ATR: variants seen among roughly 807,000 people sequenced by gnomAD.
The protein encoded by ATR is ATR checkpoint kinase.
In ATR, 142 loss-of-function variants were observed where a neutral mutation model predicts 305.3. The ratio of observed to expected loss-of-function variants is 0.47; its 90% CI spans 0.41 to 0.53. The LOEUF is 0.53. ATR is among the 20% of genes least tolerant of loss of function. The probability of loss-of-function intolerance (pLI) is 0.00; values close to 1 mark genes in which losing one functional copy is unlikely to be tolerated. For synonymous variants in ATR, 1,050 were observed against 1,068.1 expected (o/e 0.98, Z 0.33); for missense variants, 2,135 against 3,133.1 (o/e 0.68, Z 7.60).
intron 2 of ATR, among the ~76,000 whole-genome samples, chr3:142,567,668 G>C (rs2035119966): frequency 6.6e-6 from 1 of 152,146 alleles, no homozygotes; most frequent in South Asian, 2.1e-4. Context: ...TATAGGCACA[G>C]GCATGAACCT....
At chr3:142,501,045 C>T (rs1404303773) in intron 30 of ATR, among the ~76,000 whole-genome samples, 1 of 152,158 alleles carries the variant, frequency 6.6e-6, no homozygotes, top group Non-Finnish European at 1.5e-5. Flanking sequence ...AGGGCAGGCA[C>T]AGTCAATATT....
At chr3:142,544,436 A>G (rs930601917) in intron 16 of ATR, among the ~76,000 whole-genome samples, 7 of 127,954 alleles carry the variant, frequency 5.5e-5, no homozygotes, top group African/African-American at 1.8e-4. Flanking sequence ...TGGGTGACAG[A>G]GCAAAATCCT....
chr3:142,571,232 C>T (rs1178276746), intron 1 of ATR, among the ~76,000 whole-genome samples: 1 of 152,116 alleles, frequency 6.6e-6, no homozygotes, highest in East Asian at 1.9e-4. Context: ...TTTTGGGAGG[C>T]TAAGGCAGGC....
At chr3:142,517,004 T>TATATATATATATATATAC (rs1471452349) in intron 24 of ATR, among the ~76,000 whole-genome samples, 1 of 148,534 alleles carries the variant, frequency 6.7e-6, no homozygotes, top group African/African-American at 2.5e-5. Context: ...TATATATATA[T>TATATATATATATATATAC]ATACATATTT....
chr3:142,523,071 T>A (rs971866995), intron 22 of ATR, among the ~76,000 whole-genome samples: 2 of 152,158 alleles, frequency 1.3e-5, no homozygotes, highest in African/African-American at 2.4e-5. Context: ...GTACAAAAAA[T>A]TATTCAACTT....
intron 27 of ATR, among the ~76,000 whole-genome samples, chr3:142,509,768 AAAG>A (rs1559950319): frequency 6.6e-6 from 1 of 151,638 alleles, no homozygotes; most frequent in Admixed American, 6.6e-5. Flanking sequence ...CAAAAATGTT[AAAG>A]AAATGTTAAA....
In ATR at chr3:142,481,830, A is replaced by T. The variant is rs187009665; in HGVS notation, c.6221+3310T>A. On this transcript the variant is annotated intron_variant, in intron 36 of 46. Coordinates refer to ENST00000350721, the MANE Select transcript of ATR (RefSeq NM_001184.4). ...TACATTTATTTTGATTTATTTATTT[A>T]TTTTTTTTTTGAGATAGAGTCTTTC... 6.4e-3 allele frequency among the ~76,000 whole-genome samples: 951 copies of T among 147,900 alleles called. 7 individuals are homozygous for T. Among genetic ancestry groups the T allele is most frequent in the African/African-American group, 0.021 (844 of 40,296 alleles).
At chr3:142,555,841 A>G (rs1319954666) in intron 10 of ATR, 36 bp downstream of exon 10, 2 of 1,575,186 alleles carry the variant, frequency 1.3e-6, no homozygotes, top group Non-Finnish European at 1.7e-6. Flanking sequence ...GAGCTTAAAT[A>G]GGTTTTAAAG....
rs184905113 is a variant in ATR at position 142,548,007 on chromosome 3, T to C, written c.3172-97A>G. On this transcript the variant is annotated intron_variant, in intron 15 of 46. Transcript: ENST00000350721. ...AACATGCTATTAGTACATCAGGAGC[T>C]CTAGCCCAGATGACAGGATTTATTA... 9 of 1,051,596 alleles carry C rather than the reference T, an allele frequency of 8.6e-6. No individual in the cohort carries two copies. In the African/African-American group the frequency reaches 9.5e-5, roughly 11 times the overall value. 65.1% of individuals were successfully genotyped at this position (1,051,596 alleles called of 1,614,324 possible).
rs554458007 is a variant in ATR, at chr3:142,513,432, C to G, written c.4641+69G>C. 41 of 1,555,408 alleles carry G rather than the reference C, an allele frequency of 2.6e-5. 1 individual carries two copies. In the South Asian group the frequency reaches 4.6e-4, roughly 17 times the overall value. On this transcript the variant is annotated intron_variant, in intron 26 of 46. Coordinates refer to ENST00000350721, the MANE Select transcript of ATR (RefSeq NM_001184.4). ...CATTTCCTACTAATAGGTAGCCTTTCTAATACTAATTACATTGGAGAAAGT... is the reference window on the plus strand; with the variant it reads ...CATTTCCTACTAATAGGTAGCCTTTGTAATACTAATTACATTGGAGAAAGT...
chr3:142,558,031 A>T (rs2034734067), intron 8 of ATR, among the ~76,000 whole-genome samples: 1 of 152,180 alleles, frequency 6.6e-6, no homozygotes, highest in Non-Finnish European at 1.5e-5. Flanking sequence ...AATTTTATTA[A>T]ATGAAGATAA....
chr3:142,457,532 A>G, intron 45 of ATR, 72 bp downstream of exon 45: 2 of 1,583,890 alleles, frequency 1.3e-6, no homozygotes, highest in Non-Finnish European at 8.6e-7. Flanking sequence ...CTACATAAAA[A>G]CAAACATATG....
chr3:142,473,268 T>A (rs2071339395), intron 36 of ATR, among the ~76,000 whole-genome samples: 1 of 152,184 alleles, frequency 6.6e-6, no homozygotes, highest in African/African-American at 2.4e-5. Context: ...TTTGAGTTGA[T>A]TTTTGTATAT....
In ATR at chr3:142,482,586, C is replaced by T. The variant is rs1308285505; in HGVS notation, c.6221+2554G>A. On this transcript the variant is annotated intron_variant, in intron 36 of 46. Coordinates refer to ENST00000350721, the MANE Select transcript of ATR (RefSeq NM_001184.4). Reference sequence around the variant, plus strand: ...ATGGCTCACACCTGTAATCTCAGAGCGTTGGGAGGCTGAGGTGGGAAGATT... The same window carrying T: ...ATGGCTCACACCTGTAATCTCAGAGTGTTGGGAGGCTGAGGTGGGAAGATT... 3.3e-5 allele frequency among the ~76,000 whole-genome samples: 5 copies of T among 152,186 alleles called. No homozygotes were observed. The East Asian group carries it at 5.8e-4, about 18-fold the overall frequency.
chr3:142,514,663 C>T (rs953103165), intron 25 of ATR, among the ~76,000 whole-genome samples: 19 of 150,530 alleles, frequency 1.3e-4, no homozygotes, highest in African/African-American at 4.6e-4. Flanking sequence ...AAAGATTAGC[C>T]GGGTGTGATG....
chr3:142,505,374 C>G, intron 28 of ATR, 71 bp from the exon 29 acceptor site: 1 of 1,572,726 alleles, frequency 6.4e-7, no homozygotes, highest in Non-Finnish European at 8.7e-7. Context: ...TATAAAACCA[C>G]CTGTTTATAT....
chr3:142,498,447 G>T, intron 32 of ATR, 150 bp downstream of exon 32: 1 of 700,282 alleles, frequency 1.4e-6, no homozygotes, highest in Non-Finnish European at 2.4e-6. Context: ...TAACTGTAGG[G>T]TGATTGTGAG....
Position 142,519,725 on chromosome 3 carries a change from C to T in ATR, c.4326G>A (p.Leu1442=). 6.2e-7 allele frequency: 1 copy of T among 1,614,124 alleles called. No individual in the cohort carries two copies. The highest frequency in any genetic ancestry group is 1.3e-5 in the African/African-American group (1 of 75,052). The stretch of plus-strand genomic sequence containing the variant: ...GAACATGCTCAGGAAATCTCCTCCA[C>T]AATTGGTGACCTGGGCCGTTGGTCT... ...EMETNGPGHQ[L]WRRFPEHVRE... The change falls in exon 24 of 47, where the codon TTG becomes TTA. Residue 1442 remains leucine, a synonymous_variant. Transcript: ENST00000350721.
In ATR at chr3:142,464,377, T is replaced by C. The variant is rs376821441; in HGVS notation, c.7041+720A>G. On this transcript the variant is annotated intron_variant, in intron 41 of 46. Transcript: ENST00000350721. The stretch of plus-strand genomic sequence containing the variant: ...CTTGGCCTCAAGTGGTCCTCTTTCC[T>C]GGGCCTCCCAAAGTGTTAGGCTTAC... Among the ~76,000 whole-genome samples, 5 of 152,288 alleles carry C rather than the reference T, an allele frequency of 3.3e-5. No homozygotes were observed. The East Asian group carries it at 5.8e-4, about 18-fold the overall frequency.
Sources: gnomAD v4.1 joint callset for allele counts (sites outside exome capture counted in the v4.1 genomes callset) on GRCh38, gnomAD v4.1.1 for gene constraint, MANE v1.5 for transcripts, NCBI Gene and HGNC (gene_info 2026-07-23, HGNC 2026-07-21) for gene names.